SNX9: variants seen among roughly 807,000 people sequenced by gnomAD.
SNX9 encodes the protein sorting nexin 9.
In SNX9, 44 loss-of-function variants were observed where a neutral mutation model predicts 89.4. That is an observed-to-expected ratio of 0.49 (90% CI 0.39 to 0.63). The LOEUF (loss-of-function observed/expected upper bound fraction) is 0.63, where lower values mean the gene tolerates loss of function less well. Ranked by LOEUF, SNX9 falls within the 30% of genes least tolerant of loss-of-function variation. SNX9 has a pLI of 0.00. For missense variants in SNX9, 578 were observed against 736.1 expected (o/e 0.79, Z 2.49); for synonymous variants, 236 against 247.8 (o/e 0.95, Z 0.45).
rs6940022 is a variant in SNX9 at position 157,914,500 on chromosome 6, G to A, written c.949+4475G>A. 7.0e-3 allele frequency among the ~76,000 whole-genome samples: 691 copies of A among 98,710 alleles called. 3 individuals carry two copies. Among genetic ancestry groups the A allele is most frequent in the African/African-American group, 0.031 (646 of 21,032 alleles). 64.8% of individuals were successfully genotyped at this position (98,710 alleles called of 152,430 possible). A position where few individuals can be genotyped will look rare whatever the true frequency, so the allele number is the denominator to read the frequency against. ...TTTTTTTTTTTTTTTTTTGGAGACA[G>A]GGTCTCACTGTCGTCGCCCAGGCTG... On this transcript the variant is annotated intron_variant, in intron 9 of 17. Coordinates refer to ENST00000392185, the MANE Select transcript of SNX9 (RefSeq NM_016224.5).
chr6:157,897,784 G>A (rs558312101), intron 5 of SNX9, among the ~76,000 whole-genome samples: 1 of 152,256 alleles, frequency 6.6e-6, no homozygotes, highest in African/African-American at 2.4e-5. Flanking sequence ...CCAAAGTGCT[G>A]GGATTACAGG....
chr6:157,889,329 G>A (rs1285998773), intron 4 of SNX9, among the ~76,000 whole-genome samples: 1 of 151,506 alleles, frequency 6.6e-6, no homozygotes, highest in East Asian at 1.9e-4. Context: ...TACTTGGGAG[G>A]CTGAGGCAGG....
intron 1 of SNX9, among the ~76,000 whole-genome samples, chr6:157,826,284 G>T (rs1781342790): frequency 6.6e-6 from 1 of 152,024 alleles, no homozygotes; most frequent in Non-Finnish European, 1.5e-5. Flanking sequence ...GGATCACGAG[G>T]TCGGGAGATC....
chr6:157,893,091 GT>G (rs1782897792), intron 4 of SNX9, among the ~76,000 whole-genome samples: 1 of 152,296 alleles, frequency 6.6e-6, no homozygotes, highest in East Asian at 1.9e-4. Flanking sequence ...GTAACTTAGA[GT>G]TTGGAGGACA....
rs1639752016 is a variant in SNX9 at position 157,943,186 on chromosome 6, A to T, written c.*348A>T. ...GTCTTATAAATTATAAGTCTTATAT[A>T]ATTTATAAGTCTCCCACAATCTTCC... On this transcript the variant is annotated 3_prime_UTR_variant, in exon 18 of 18. Transcript: ENST00000392185. 1 of 174,352 alleles carries T rather than the reference A, an allele frequency of 5.7e-6. No individual in the cohort carries two copies. Among genetic ancestry groups the T allele is most frequent in the Non-Finnish European group, 1.2e-5 (1 of 83,308 alleles). The allele number at this position is 174,352 out of a possible 1,614,324, so 10.8% of individuals were successfully genotyped here. A position where few individuals can be genotyped will look rare whatever the true frequency, so the allele number is the denominator to read the frequency against.
At chr6:157,845,868 G>A (rs942101827) in intron 1 of SNX9, among the ~76,000 whole-genome samples, 2 of 152,152 alleles carry the variant, frequency 1.3e-5, no homozygotes, top group African/African-American at 4.8e-5. Flanking sequence ...ATTTGGTATT[G>A]TTTTGTTCTT....
chr6:157,928,670 T>A lies in SNX9; in HGVS notation c.1256T>A (p.Val419Glu). 6.2e-7 allele frequency: 1 copy of A among 1,609,258 alleles called. No individual in the cohort carries two copies. Among genetic ancestry groups the A allele is most frequent in the Non-Finnish European group, 8.5e-7 (1 of 1,178,020 alleles). ...GACGGCGTGAAGGAGCTGCTGACGG[T>A]GGGGCAGGAGCACTGGAAGCGCTGC... The part of the protein sequence containing the change: ...MDDGVKELLT[V>E]GQEHWKRCTG... Residue 419 changes from valine to glutamate, a missense_variant, in exon 12 of 18, where the codon GTG becomes GAG. Around this residue, in one of 2 missense-constraint regions of SNX9, gnomAD observed 348 missense variants for 491.4 expected, o/e 0.71. Coordinates refer to ENST00000392185, the MANE Select transcript of SNX9 (RefSeq NM_016224.5).
rs751650378 is a variant in SNX9 at position 157,867,622 on chromosome 6, A to G, written c.88A>G (p.Ile30Val). ...GGTTAATGAAGGAGAAATCATCACA[A>G]TCACAAATCCGGTAAGAGAACTGTA... The part of the protein sequence containing the change: ...LTVNEGEIIT[I>V]TNPDVGGGWL... Residue 30 changes from isoleucine (I) to valine (V), a missense_variant, in exon 2 of 18, where the codon ATC (isoleucine) becomes GTC (valine). Coordinates refer to ENST00000392185, the MANE Select transcript of SNX9 (RefSeq NM_016224.5). The G allele has an allele frequency of 1.2e-6, 2 of 1,611,490 alleles. No individual in the cohort carries two copies. Among genetic ancestry groups the G allele is most frequent in the Admixed American group, 1.7e-5 (1 of 59,996 alleles).
intron 9 of SNX9, among the ~76,000 whole-genome samples, chr6:157,917,134 C>T (rs9365576): frequency 0.23 from 35,206 of 151,890 alleles, 4,250 homozygotes; most frequent in African/African-American, 0.28. Context: ...TTAAGGGAGT[C>T]GATTTATTTC....
chr6:157,879,146 C>A (rs535591524), intron 4 of SNX9, among the ~76,000 whole-genome samples: 1 of 152,164 alleles, frequency 6.6e-6, no homozygotes, highest in South Asian at 2.1e-4. Flanking sequence ...CTCTAAGGCC[C>A]AGCGGTTCTG....
At chr6:157,933,964 A>G (rs1307282731) in intron 13 of SNX9, among the ~76,000 whole-genome samples, 1 of 152,254 alleles carries the variant, frequency 6.6e-6, no homozygotes, top group Non-Finnish European at 1.5e-5. Context: ...ATAATATTTT[A>G]AGGAAGCATT....
intron 1 of SNX9, among the ~76,000 whole-genome samples, chr6:157,864,535 G>A (rs540904466): frequency 6.6e-6 from 1 of 152,204 alleles, no homozygotes; most frequent in South Asian, 2.1e-4. Flanking sequence ...AAACTAATTG[G>A]ATTCAGCTGG....
At chr6:157,865,751 T>C (rs1339142673) in intron 1 of SNX9, among the ~76,000 whole-genome samples, 1 of 152,238 alleles carries the variant, frequency 6.6e-6, no homozygotes, top group Non-Finnish European at 1.5e-5. Flanking sequence ...TAGTCTGTTA[T>C]CACTAAATAT....
chr6:157,940,199 G>A (rs1053218363), intron 16 of SNX9, among the ~76,000 whole-genome samples: 6 of 152,204 alleles, frequency 3.9e-5, no homozygotes, highest in African/African-American at 1.4e-4. Flanking sequence ...AGCGGGGCAG[G>A]GACCCCAGCT....
intron 1 of SNX9, among the ~76,000 whole-genome samples, chr6:157,844,249 G>A (rs1226298884): frequency 6.6e-6 from 1 of 152,174 alleles, no homozygotes; most frequent in African/African-American, 2.4e-5. Context: ...TGCAGTGCAG[G>A]AGACCGGAGT....
At chr6:157,883,503 C>T (rs912887737) in intron 4 of SNX9, among the ~76,000 whole-genome samples, 6 of 152,136 alleles carry the variant, frequency 3.9e-5, no homozygotes, top group Admixed American at 6.5e-5. Context: ...AGACGCTGAA[C>T]GGTTCATGGT....
intron 1 of SNX9, among the ~76,000 whole-genome samples, chr6:157,853,097 G>T (rs554428218): frequency 2.0e-5 from 3 of 151,078 alleles, no homozygotes; most frequent in South Asian, 4.2e-4. Context: ...TATCATTTTC[G>T]TTCTGGTAAA....
intron 12 of SNX9, among the ~76,000 whole-genome samples, chr6:157,929,097 C>A (rs1287875512): frequency 2.0e-5 from 3 of 152,050 alleles, no homozygotes; most frequent in Non-Finnish European, 4.4e-5. Flanking sequence ...TTTAGAAAAA[C>A]CAATATAGTT....
intron 3 of SNX9, 110 bp from the exon 4 acceptor site, chr6:157,874,941 T>C (rs956696288): frequency 3.6e-5 from 45 of 1,245,702 alleles, no homozygotes; most frequent in Non-Finnish European, 4.6e-5. Flanking sequence ...ACAGAGAAAT[T>C]TGTAGCATTG....
Sources: gnomAD v4.1 joint callset for allele counts (sites outside exome capture counted in the v4.1 genomes callset) on GRCh38, gnomAD v4.1.1 for gene constraint, gnomAD v4.1.1 regional missense constraint, MANE v1.5 for transcripts, NCBI Gene and HGNC (gene_info 2026-07-23, HGNC 2026-07-21) for gene names.